The following FBN2 variants were observed in gnomAD, a reference collection of about 807,000 sequenced individuals.
FBN2 encodes fibrillin-2.
A neutral mutation model predicts 355.6 loss-of-function variants in FBN2; 105 were observed. The observed-to-expected ratio is 0.30, with a 90% CI of 0.25 to 0.35. The LOEUF (loss-of-function observed/expected upper bound fraction) is 0.35, where lower values mean the gene tolerates loss of function less well. Ranked by LOEUF, FBN2 falls within the 10% of genes least tolerant of loss-of-function variation. FBN2 has a pLI of 1.00. For synonymous variants in FBN2, 1,350 were observed against 1,301.2 expected, an observed-to-expected ratio of 1.04 and a Z score of -0.81; for missense variants, 3,280 against 3,758.7, an observed-to-expected ratio of 0.87 and a Z score of 3.33.
In FBN2 at chr5:128,286,711, C is replaced by T. The variant is rs199735209; in HGVS notation, c.7012+7G>A. The T allele has an allele frequency of 6.4e-4, 1,031 of 1,613,880 alleles. No homozygotes were observed. Among genetic ancestry groups the T allele is most frequent in the Non-Finnish European group, 8.2e-4 (968 of 1,179,820 alleles). ...TACATAAGCAGACACCTTCCCTTACCGCTTACCTACACAGCCTTCTCCATC... is the reference window on the plus strand; with the variant it reads ...TACATAAGCAGACACCTTCCCTTACTGCTTACCTACACAGCCTTCTCCATC... On this transcript the variant is annotated splice_region_variant and intron_variant, in intron 55 of 64. Coordinates refer to ENST00000262464, the MANE Select transcript of FBN2 (RefSeq NM_001999.4).
chr5:128,409,836 A>G (rs192518254), intron 7 of FBN2, among the ~76,000 whole-genome samples: 18 of 152,294 alleles, frequency 1.2e-4, no homozygotes, highest in Admixed American at 1.2e-3. Context: ...ATAAAAAAGG[A>G]AAAATAATTA....
rs750055830 is a variant in FBN2, at chr5:128,537,409, C to A, written c.195G>T (p.Glu65Asp). Residue 65 changes from glutamate (E) to aspartate (D), a missense_variant, in exon 1 of 65, where the codon GAG becomes GAT. Coordinates refer to ENST00000262464, the MANE Select transcript of FBN2 (RefSeq NM_001999.4). ...EGGFLAPEYR[E>D]EGAAVASRVR... ...CGCGGCTGGCCACTGCGGCACCCTCCTCGCGATACTCGGGCGCTAGAAACC... is the reference window on the plus strand; with the variant it reads ...CGCGGCTGGCCACTGCGGCACCCTCATCGCGATACTCGGGCGCTAGAAACC... 1 of 1,610,104 alleles carries A rather than the reference C, an allele frequency of 6.2e-7. No individual in the cohort carries two copies. The highest frequency in any genetic ancestry group is 8.5e-7 in the Non-Finnish European group (1 of 1,179,472).
At chr5:128,268,098 C>T (rs931306120) in intron 62 of FBN2, among the ~76,000 whole-genome samples, 13 of 152,108 alleles carry the variant, frequency 8.5e-5, no homozygotes, top group African/African-American at 3.1e-4. Context: ...CAGGAGCTGG[C>T]TTTTTGAAAA....
intron 58 of FBN2, among the ~76,000 whole-genome samples, chr5:128,276,924 C>T (rs536164361): frequency 2.6e-5 from 4 of 152,296 alleles, no homozygotes; most frequent in African/African-American, 9.6e-5. Context: ...TTGTTAGACC[C>T]TCCTTGAATT....
intron 25 of FBN2, among the ~76,000 whole-genome samples, chr5:128,343,739 C>A (rs1322247903): frequency 6.6e-6 from 1 of 152,178 alleles, no homozygotes; most frequent in Non-Finnish European, 1.5e-5. Flanking sequence ...ACCTTAAAAT[C>A]TTTAAGAGAA....
Sources: allele counts gnomAD v4.1 joint callset (sites outside exome capture counted in the v4.1 genomes callset), GRCh38; gene constraint gnomAD v4.1.1; transcripts MANE v1.5; gene names NCBI Gene and HGNC (gene_info 2026-07-23, HGNC 2026-07-21).